Variants in POPDC1 observed in about 807,000 individuals in gnomAD.
The protein encoded by POPDC1 is popeye domain-containing protein 1.
At chr6:105,127,074 C>T in the POPDC1 span, among the ~76,000 whole-genome samples, 5 of 152,204 alleles carry the variant, frequency 3.3e-5, no homozygotes, top group African/African-American at 9.6e-5. Flanking sequence ...AACCATACTG[C>T]ACTGTATCTC....
At chr6:105,109,736 C>T in the POPDC1 span, among the ~76,000 whole-genome samples, 2 of 112,548 alleles carry the variant, frequency 1.8e-5, no homozygotes, top group African/African-American at 6.6e-5. Flanking sequence ...TGCACTCTAG[C>T]CTGGATGACA....
At chr6:105,116,649 AT>A in the POPDC1 span, 1 of 1,414,606 alleles carries the variant, frequency 7.1e-7, no homozygotes, top group Non-Finnish European at 9.5e-7. Flanking sequence ...ATAAAGTGAA[AT>A]ATACCTCATA....
At chr6:105,126,314 C>T in the POPDC1 span, among the ~76,000 whole-genome samples, 1 of 149,736 alleles carries the variant, frequency 6.7e-6, no homozygotes, top group East Asian at 2.0e-4. Context: ...TACCTATAGT[C>T]CTGGGTACTT....
At chr6:105,116,720 T>C in the POPDC1 span, 1 of 1,596,374 alleles carries the variant, frequency 6.3e-7, no homozygotes, top group African/African-American at 1.3e-5. Context: ...TAAGGTGGGA[T>C]CATTCAATGA....
At chr6:105,118,196 C>T in the POPDC1 span, among the ~76,000 whole-genome samples, 1 of 152,332 alleles carries the variant, frequency 6.6e-6, no homozygotes, top group East Asian at 1.9e-4. Flanking sequence ...TCCCCTTTGT[C>T]ACAAAAGTAA....
chr6:105,132,766 A>C, the POPDC1 span, among the ~76,000 whole-genome samples: 1 of 152,120 alleles, frequency 6.6e-6, no homozygotes, highest in African/African-American at 2.4e-5. Flanking sequence ...TACTGGGACC[A>C]AAAAAAATTT....
the POPDC1 span, among the ~76,000 whole-genome samples, chr6:105,105,018 T>C: frequency 6.6e-6 from 1 of 152,086 alleles, no homozygotes; most frequent in Non-Finnish European, 1.5e-5. Context: ...CAGAGAGGGG[T>C]GGCTGCCATG....
the POPDC1 span, among the ~76,000 whole-genome samples, chr6:105,130,827 G>A: frequency 1.3e-5 from 2 of 152,106 alleles, no homozygotes; most frequent in African/African-American, 4.8e-5. Context: ...GACCACTTTC[G>A]TTATACGATG....
the POPDC1 span, chr6:105,115,568 T>C: frequency 7.8e-7 from 1 of 1,278,254 alleles, no homozygotes; most frequent in Non-Finnish European, 1.1e-6. Context: ...TTGTTACCTT[T>C]AGGTTGCCTT....
At chr6:105,133,467 CCA>C in the POPDC1 span, 1 of 1,613,868 alleles carries the variant, frequency 6.2e-7, no homozygotes, top group Non-Finnish European at 8.5e-7. Flanking sequence ...GTATCTCTCT[CCA>C]GTTTTCACAA....
At chr6:105,134,027 T>C in the POPDC1 span, among the ~76,000 whole-genome samples, 1 of 152,198 alleles carries the variant, frequency 6.6e-6, no homozygotes, top group African/African-American at 2.4e-5. Flanking sequence ...GAAAAATAAC[T>C]AGAAAACTAA....
the POPDC1 span, among the ~76,000 whole-genome samples, chr6:105,127,611 T>C: frequency 8.6e-5 from 13 of 151,594 alleles, no homozygotes; most frequent in African/African-American, 3.2e-4. Context: ...AGCTGATTTT[T>C]AAATTTTTTG....
At chr6:105,135,547 C>G in the POPDC1 span, among the ~76,000 whole-genome samples, 1 of 152,090 alleles carries the variant, frequency 6.6e-6, no homozygotes, top group African/African-American at 2.4e-5. Context: ...CACTATAATT[C>G]AATATCAGGC....
chr6:105,127,810 G>A, the POPDC1 span, among the ~76,000 whole-genome samples: 4 of 151,836 alleles, frequency 2.6e-5, no homozygotes, highest in Admixed American at 2.6e-4. Context: ...ACCCAGGCTG[G>A]AGTACAGTGG....
the POPDC1 span, among the ~76,000 whole-genome samples, chr6:105,107,349 C>G: frequency 6.6e-6 from 1 of 152,154 alleles, no homozygotes; most frequent in Non-Finnish European, 1.5e-5. Context: ...AAGATTCTGT[C>G]CCTATTAAGC....
the POPDC1 span, among the ~76,000 whole-genome samples, chr6:105,118,704 T>C: frequency 6.6e-5 from 10 of 152,208 alleles, no homozygotes; most frequent in African/African-American, 2.4e-4. Flanking sequence ...TAGCACATAA[T>C]GCCACTCACT....
chr6:105,112,233 T>C, the POPDC1 span, among the ~76,000 whole-genome samples: 10 of 151,904 alleles, frequency 6.6e-5, no homozygotes, highest in African/African-American at 1.5e-4. Flanking sequence ...CAAAAACATA[T>C]GCAGAAACAC....
chr6:105,106,608 C>T, the POPDC1 span, among the ~76,000 whole-genome samples: 1 of 152,174 alleles, frequency 6.6e-6, no homozygotes, highest in African/African-American at 2.4e-5. Flanking sequence ...GTTCAGATGG[C>T]AGCCAGGGCT....
chr6:105,098,395 A>C, the POPDC1 span: 1 of 152,166 alleles, frequency 6.6e-6, no homozygotes, highest in Non-Finnish European at 1.5e-5. Context: ...TAAGATTCCT[A>C]ATCTTGAGGT....
Sources: gnomAD v4.1 joint callset for allele counts (sites outside exome capture counted in the v4.1 genomes callset) on GRCh38, gnomAD v4.1.1 for gene constraint, MANE v1.5 for transcripts, NCBI Gene and HGNC (gene_info 2026-07-23, HGNC 2026-07-21) for gene names.